The following XNDC1N variants were observed in gnomAD, a reference collection of about 807,000 sequenced individuals.
The protein encoded by XNDC1N is XRCC1 N-terminal domain containing 1, N-terminal like, also known as protein XNDC1N.
chr11:71,919,620 T>A, the XNDC1N span, among the ~76,000 whole-genome samples: 1 of 24,580 alleles, frequency 4.1e-5, no homozygotes, highest in South Asian at 1.4e-3. Context: ...TTTTTTTGTT[T>A]GTTTTTTTTT....
chr11:71,910,660 G>A, the XNDC1N span, among the ~76,000 whole-genome samples: 3,989 of 152,288 alleles, frequency 0.026, 56 homozygotes, highest in East Asian at 0.073. Flanking sequence ...CAGATCTGCC[G>A]ACAGCAGGTA....
the XNDC1N span, among the ~76,000 whole-genome samples, chr11:71,897,299 G>T: frequency 6.6e-6 from 1 of 152,162 alleles, no homozygotes; most frequent in Non-Finnish European, 1.5e-5. Flanking sequence ...CATAACCCAT[G>T]GATTAGGAAA....
the XNDC1N span, among the ~76,000 whole-genome samples, chr11:71,896,007 G>GTGGC: frequency 6.6e-6 from 1 of 152,192 alleles, no homozygotes; most frequent in Non-Finnish European, 1.5e-5. Context: ...GCCAGGTGTG[G>GTGGC]TGGCTCAGGC....
At chr11:71,888,013 C>T in the XNDC1N span, among the ~76,000 whole-genome samples, 31 of 152,286 alleles carry the variant, frequency 2.0e-4, no homozygotes, top group African/African-American at 6.0e-4. Context: ...CCACCATCTT[C>T]GGGGAGGCGT....
At chr11:71,886,201 T>C in the XNDC1N span, among the ~76,000 whole-genome samples, 454 of 151,754 alleles carry the variant, frequency 3.0e-3, 3 homozygotes, top group African/African-American at 0.01. Context: ...CAATACACCG[T>C]CCTATACCGA....
At chr11:71,925,056 T>C in the XNDC1N span, among the ~76,000 whole-genome samples, 1 of 151,912 alleles carries the variant, frequency 6.6e-6, no homozygotes, top group African/African-American at 2.4e-5. Flanking sequence ...CTGCTTGGAA[T>C]GTTCTTTCTC....
the XNDC1N span, among the ~76,000 whole-genome samples, chr11:71,891,439 C>A: frequency 1.3e-5 from 2 of 151,786 alleles, no homozygotes; most frequent in Admixed American, 6.6e-5. Context: ...ATGTGTACTC[C>A]GCCTGCGATT....
the XNDC1N span, chr11:71,884,305 G>A: frequency 7.7e-7 from 1 of 1,301,660 alleles, no homozygotes; most frequent in Non-Finnish European, 9.9e-7. Flanking sequence ...GTTTTTCTGG[G>A]AAAGTTCTGT....
the XNDC1N span, chr11:71,918,931 T>C: frequency 3.3e-5 from 23 of 702,896 alleles, no homozygotes; most frequent in Admixed American, 2.0e-5. Flanking sequence ...GCTGTAGTTC[T>C]ACTTTCAATT....
chr11:71,924,017 G>T, the XNDC1N span, among the ~76,000 whole-genome samples: 2 of 152,154 alleles, frequency 1.3e-5, 1 homozygote, highest in South Asian at 4.1e-4. Flanking sequence ...TTATATATAG[G>T]TGAGTTCTCA....
At chr11:71,867,788 G>T in the XNDC1N span, among the ~76,000 whole-genome samples, 1 of 152,152 alleles carries the variant, frequency 6.6e-6, no homozygotes, top group Admixed American at 6.5e-5. Flanking sequence ...CTGTTCTGTA[G>T]ATGTCTTTTA....
chr11:71,927,484 G>A, the XNDC1N span: 2 of 151,526 alleles, frequency 1.3e-5, no homozygotes, highest in East Asian at 1.9e-4. Context: ...TTGAACCAGT[G>A]CATTCCAGCC....
the XNDC1N span, among the ~76,000 whole-genome samples, chr11:71,901,322 G>A: frequency 6.6e-6 from 1 of 152,106 alleles, no homozygotes; most frequent in African/African-American, 2.4e-5. Flanking sequence ...TTGGAAGCTG[G>A]GAGCCGTGGC....
At chr11:71,913,097 G>T in the XNDC1N span, among the ~76,000 whole-genome samples, 1 of 152,106 alleles carries the variant, frequency 6.6e-6, no homozygotes, top group African/African-American at 2.4e-5. Context: ...TATAGGAGGG[G>T]TGTACACCCT....
chr11:71,908,373 AATT>A, the XNDC1N span, among the ~76,000 whole-genome samples: 100 of 151,872 alleles, frequency 6.6e-4, no homozygotes, highest in African/African-American at 1.9e-3. Context: ...ATTTAATATT[AATT>A]ATTATTATCG....
the XNDC1N span, among the ~76,000 whole-genome samples, chr11:71,919,641 A>G: frequency 0.03 from 3,953 of 131,144 alleles, 208 homozygotes; most frequent in African/African-American, 0.11. Context: ...TTTTTGAGAC[A>G]GAGTCTCACT....
the XNDC1N span, among the ~76,000 whole-genome samples, chr11:71,866,391 C>T: frequency 6.6e-6 from 1 of 152,046 alleles, no homozygotes; most frequent in Non-Finnish European, 1.5e-5. Context: ...TTACTGTATA[C>T]AATGATATGA....
At chr11:71,908,187 GATATTA>G in the XNDC1N span, among the ~76,000 whole-genome samples, 25 of 144,366 alleles carry the variant, frequency 1.7e-4, no homozygotes, top group South Asian at 2.3e-3. Flanking sequence ...ATGAATGACC[GATATTA>G]ATATTAATAT....
At chr11:71,878,854 G>C in the XNDC1N span, among the ~76,000 whole-genome samples, 1 of 151,830 alleles carries the variant, frequency 6.6e-6, no homozygotes, top group Admixed American at 6.6e-5. Context: ...CAAAAAATTA[G>C]TCAGGTATAG....
Sources: gnomAD v4.1 joint callset for allele counts (sites outside exome capture counted in the v4.1 genomes callset) on GRCh38, gnomAD v4.1.1 for gene constraint, MANE v1.5 for transcripts, NCBI Gene and HGNC (gene_info 2026-07-23, HGNC 2026-07-21) for gene names.